The following GNA14 variants were observed in gnomAD, a reference collection of about 807,000 sequenced individuals.
GNA14 encodes guanine nucleotide-binding protein subunit alpha-14.
GNA14 carries 50 observed loss-of-function variants against 42.0 expected under a neutral mutation model. The observed-to-expected ratio is 1.19, with a 90% CI of 0.95 to 1.51. The LOEUF is 1.51. GNA14 is among the 40% of genes most tolerant of loss of function. The pLI, the probability that GNA14 is intolerant of heterozygous loss-of-function variation, is 0.00. For missense variants in GNA14, 473 were observed against 446.2 expected, an observed-to-expected ratio of 1.06 and a Z score of -0.54; for synonymous variants, 173 against 163.1, an observed-to-expected ratio of 1.06 and a Z score of -0.46.
intron 2 of GNA14, among the ~76,000 whole-genome samples, chr9:77,445,885 C>A (rs947790236): frequency 6.6e-6 from 1 of 152,222 alleles, no homozygotes; most frequent in African/African-American, 2.4e-5. Context: ...CTCTAGTTGA[C>A]AGAGTTCTCT....
At chr9:77,477,804 C>T (rs188660216) in intron 2 of GNA14, among the ~76,000 whole-genome samples, 2 of 151,808 alleles carry the variant, frequency 1.3e-5, no homozygotes, top group Non-Finnish European at 2.9e-5. Context: ...AACAGAGTCC[C>T]ATAAAAAAGG....
At chr9:77,597,044 T>C (rs1180439323) in intron 1 of GNA14, among the ~76,000 whole-genome samples, 3 of 152,216 alleles carry the variant, frequency 2.0e-5, no homozygotes, top group Non-Finnish European at 2.9e-5. Context: ...TGAGGCTGTG[T>C]CATGGGTACA....
intron 1 of GNA14, among the ~76,000 whole-genome samples, chr9:77,554,347 T>C (rs1220332573): frequency 6.6e-6 from 1 of 152,206 alleles, no homozygotes; most frequent in Non-Finnish European, 1.5e-5. Flanking sequence ...GTTTCATTAT[T>C]TATGCACAAG....
At chr9:77,502,759 G>A (rs1001946562) in intron 2 of GNA14, among the ~76,000 whole-genome samples, 1 of 152,162 alleles carries the variant, frequency 6.6e-6, no homozygotes, top group Non-Finnish European at 1.5e-5. Context: ...GGTGAGAGTG[G>A]GAGGCTAGAC....
chr9:77,604,116 GC>G (rs1483257277), intron 1 of GNA14, among the ~76,000 whole-genome samples: 1 of 152,052 alleles, frequency 6.6e-6, no homozygotes, highest in Non-Finnish European at 1.5e-5. Context: ...AGACTTCAGA[GC>G]TATTTCGGCT....
At chr9:77,440,225 C>T (rs931313669) in intron 2 of GNA14, among the ~76,000 whole-genome samples, 2 of 152,234 alleles carry the variant, frequency 1.3e-5, no homozygotes, top group Non-Finnish European at 2.9e-5. Context: ...GTGTTTCATT[C>T]AGAAATTCCC....
intron 2 of GNA14, among the ~76,000 whole-genome samples, chr9:77,499,758 G>A (rs917407577): frequency 3.9e-4 from 60 of 152,110 alleles, no homozygotes; most frequent in African/African-American, 1.4e-3. Context: ...GCTGAGGCAG[G>A]AGAATCGCTA....
chr9:77,565,966 C>A (rs1342420319), intron 1 of GNA14, among the ~76,000 whole-genome samples: 1 of 150,252 alleles, frequency 6.7e-6, no homozygotes, highest in Non-Finnish European at 1.5e-5. Context: ...AACACTCTGG[C>A]CACAACTTAG....
chr9:77,538,922 C>A (rs1837628578), intron 1 of GNA14, among the ~76,000 whole-genome samples: 1 of 152,130 alleles, frequency 6.6e-6, no homozygotes, highest in Non-Finnish European at 1.5e-5. Context: ...TTCAGGCACA[C>A]TCAGGAAAAA....
chr9:77,586,727 T>A (rs573866546), intron 1 of GNA14, among the ~76,000 whole-genome samples: 4 of 152,288 alleles, frequency 2.6e-5, no homozygotes, highest in South Asian at 4.1e-4. Context: ...GTCATTTACA[T>A]AGTGCGTGAA....
At chr9:77,490,632 AG>A (rs1270351494) in intron 2 of GNA14, among the ~76,000 whole-genome samples, 1 of 152,226 alleles carries the variant, frequency 6.6e-6, no homozygotes, top group Non-Finnish European at 1.5e-5. Context: ...CTGGGTGCTA[AG>A]CCCCTCACTG....
At chr9:77,548,778 T>C (rs752090408) in intron 1 of GNA14, among the ~76,000 whole-genome samples, 15 of 152,212 alleles carry the variant, frequency 9.9e-5, no homozygotes, top group Non-Finnish European at 2.2e-4. Flanking sequence ...GGAGTAAATG[T>C]GCATAAACGA....
At chr9:77,540,869 G>A (rs527282237) in intron 1 of GNA14, among the ~76,000 whole-genome samples, 2 of 151,954 alleles carry the variant, frequency 1.3e-5, no homozygotes, top group Non-Finnish European at 2.9e-5. Flanking sequence ...TGGGTTTCTT[G>A]TAGGCAGCAT....
intron 1 of GNA14, among the ~76,000 whole-genome samples, chr9:77,565,503 T>A (rs1485918424): frequency 6.6e-6 from 1 of 152,174 alleles, no homozygotes; most frequent in Admixed American, 6.5e-5. Flanking sequence ...TGTTGCCCAG[T>A]CTGGAGTGCA....
At chr9:77,505,962 T>C (rs1837061587) in intron 2 of GNA14, among the ~76,000 whole-genome samples, 1 of 151,936 alleles carries the variant, frequency 6.6e-6, no homozygotes, top group South Asian at 2.1e-4. Context: ...TAGTAGCCAT[T>C]AAAAATGTAA....
At chr9:77,497,486 A>G (rs1836890458) in intron 2 of GNA14, among the ~76,000 whole-genome samples, 1 of 152,114 alleles carries the variant, frequency 6.6e-6, no homozygotes, top group African/African-American at 2.4e-5. Context: ...TGAGCTTCAG[A>G]CCTAGCAGGG....
chr9:77,638,340 G>T (rs1481481852), intron 1 of GNA14, among the ~76,000 whole-genome samples: 2 of 152,200 alleles, frequency 1.3e-5, no homozygotes, highest in Non-Finnish European at 2.9e-5. Flanking sequence ...CAAGATAACA[G>T]CTATGAAGAA....
intron 1 of GNA14, among the ~76,000 whole-genome samples, chr9:77,532,110 C>T (rs754188594): frequency 6.6e-6 from 1 of 152,096 alleles, no homozygotes; most frequent in Non-Finnish European, 1.5e-5. Context: ...CAGCATCACC[C>T]AGCTAGTGTA....
intron 1 of GNA14, among the ~76,000 whole-genome samples, chr9:77,576,969 T>C (rs1564057738): frequency 6.6e-6 from 1 of 152,228 alleles, no homozygotes; most frequent in Non-Finnish European, 1.5e-5. Flanking sequence ...TTTATGCCTC[T>C]TCCTTGCTAA....
Sources: gnomAD v4.1 joint callset for allele counts (sites outside exome capture counted in the v4.1 genomes callset) on GRCh38, gnomAD v4.1.1 for gene constraint, MANE v1.5 for transcripts, NCBI Gene and HGNC (gene_info 2026-07-23, HGNC 2026-07-21) for gene names.